Variants in RASEF observed in about 807,000 individuals in gnomAD.
The protein encoded by RASEF is RAS and EF-hand domain containing.
A neutral mutation model predicts 90.1 loss-of-function variants in RASEF; 68 were observed. The ratio of observed to expected loss-of-function variants is 0.75; its 90% confidence interval spans 0.62 to 0.92. The LOEUF is 0.92. Ranked by LOEUF, RASEF falls within the 40% of genes least tolerant of loss-of-function variation. RASEF has a pLI of 0.00. For missense variants in RASEF, 949 were observed against 937.2 expected, an observed-to-expected ratio of 1.01 and a Z score of -0.16; for synonymous variants, 331 against 345.2, an observed-to-expected ratio of 0.96 and a Z score of 0.46.
chr9:83,021,169 G>A (rs897323638), intron 3 of RASEF, among the ~76,000 whole-genome samples: 1 of 152,204 alleles, frequency 6.6e-6, no homozygotes. Flanking sequence ...TGCAGGCACC[G>A]TGCTAGGCAC....
intron 1 of RASEF, among the ~76,000 whole-genome samples, chr9:83,040,690 A>G (rs1293174996): frequency 6.6e-6 from 1 of 152,224 alleles, no homozygotes; most frequent in Non-Finnish European, 1.5e-5. Flanking sequence ...CTGATTATTA[A>G]ATAGTTGGCA....
the RASEF span, among the ~76,000 whole-genome samples, chr9:83,152,735 T>TACACAC: frequency 2.7e-5 from 4 of 150,820 alleles, no homozygotes; most frequent in Admixed American, 1.3e-4. Context: ...CAGACACACA[T>TACACAC]ACACACACAC....
At chr9:83,001,994 G>A (rs1587485507) in intron 9 of RASEF, among the ~76,000 whole-genome samples, 2 of 152,278 alleles carry the variant, frequency 1.3e-5, no homozygotes, top group South Asian at 4.1e-4. Context: ...ATAAGTGAGG[G>A]AGAAATTCAC....
intron 1 of RASEF, among the ~76,000 whole-genome samples, chr9:83,029,596 G>A (rs1456192813): frequency 2.0e-5 from 3 of 150,762 alleles, no homozygotes; most frequent in Non-Finnish European, 4.4e-5. Context: ...AGTAGGGACG[G>A]GGTTTCACCA....
rs573840955 is a variant in RASEF, at chr9:83,060,523, G to A, written c.431+1914C>T. On this transcript the variant is annotated intron_variant, in intron 1 of 16. Coordinates refer to ENST00000376447, the MANE Select transcript of RASEF (RefSeq NM_152573.4). ...GCAACCTAGGACAGTACCTAAGCCAGTATTTGGCATATGGCAGGCAATTGG... is the reference window on the plus strand; with the variant it reads ...GCAACCTAGGACAGTACCTAAGCCAATATTTGGCATATGGCAGGCAATTGG... Among the ~76,000 whole-genome samples, 5 of 152,308 alleles carry A rather than the reference G, an allele frequency of 3.3e-5. No individual in the cohort carries two copies. The East Asian group carries it at 9.7e-4, about 29-fold the overall frequency.
At chr9:83,102,616 G>A in the RASEF span, among the ~76,000 whole-genome samples, 1 of 152,158 alleles carries the variant, frequency 6.6e-6, no homozygotes, top group Non-Finnish European at 1.5e-5. Flanking sequence ...CACGAGTTCA[G>A]GCAGGAGACA....
Position 83,025,771 on chromosome 9 carries a change from A to G in RASEF, c.578+4T>C, listed in dbSNP as rs766085255. The stretch of plus-strand genomic sequence containing the variant: ...GGCCACTTATAAAGGAAGGACTTCA[A>G]TACCTCTTCACCGCAATGGCCAAAT... On this transcript the variant is annotated splice_donor_region_variant and intron_variant, in intron 2 of 16. Transcript: ENST00000376447. The G allele has an allele frequency of 6.2e-7, 1 of 1,613,136 alleles. No homozygotes were observed. Among genetic ancestry groups the G allele is most frequent in the Non-Finnish European group, 8.5e-7 (1 of 1,179,690 alleles).
rs1307730511 is a variant in RASEF at position 83,015,814 on chromosome 9, C to T, written c.756G>A (p.Lys252=). The T allele has an allele frequency of 1.2e-6, 2 of 1,613,136 alleles. No homozygotes were observed. Among genetic ancestry groups the T allele is most frequent in the South Asian group, 2.2e-5 (2 of 91,060 alleles). ...EVGDLQVTIK[K]LRKLEEQSKR... ...GCTGCCACATGCCTACCTTTCTTAG[C>T]TTTTTAATGGTCACCTGCAGATCTC... The change falls in exon 4 of 17, where the codon AAG becomes AAA. Residue 252 remains lysine (K), a synonymous_variant. Transcript: ENST00000376447.
chr9:83,022,571 A>C, intron 2 of RASEF, 145 bp from the exon 3 acceptor site: 1 of 641,804 alleles, frequency 1.6e-6, no homozygotes, highest in East Asian at 2.7e-5. Flanking sequence ...TTCCTTCTAC[A>C]TAATAAAATG....
chr9:82,996,210 T>A (rs1828916009), intron 14 of RASEF, among the ~76,000 whole-genome samples: 1 of 152,232 alleles, frequency 6.6e-6, no homozygotes, highest in Non-Finnish European at 1.5e-5. Flanking sequence ...CAGCCACTAC[T>A]GCAATTTAAT....
the RASEF span, among the ~76,000 whole-genome samples, chr9:83,116,337 T>C: frequency 6.6e-6 from 1 of 152,208 alleles, no homozygotes; most frequent in Admixed American, 6.5e-5. Context: ...ATTTTTTTTC[T>C]ACCAAATAAG....
upstream of RASEF, chr9:83,063,201 G>C (rs1191052721): frequency 2.6e-5 from 8 of 302,056 alleles, no homozygotes; most frequent in Admixed American, 5.3e-5. Context: ...GCTCCGCCCA[G>C]CCAGGGAGGA....
the RASEF span, among the ~76,000 whole-genome samples, chr9:83,169,715 C>G: frequency 1.3e-5 from 2 of 152,004 alleles, no homozygotes. Context: ...AGCATTTTTT[C>G]ATATACCTAA....
chr9:83,080,023 C>T, the RASEF span, among the ~76,000 whole-genome samples: 1 of 152,270 alleles, frequency 6.6e-6, no homozygotes, highest in South Asian at 2.1e-4. Flanking sequence ...TCTCATTAAG[C>T]AATATTTTTA....
At chr9:82,988,603 C>A (rs528306385) in intron 16 of RASEF, among the ~76,000 whole-genome samples, 1 of 152,062 alleles carries the variant, frequency 6.6e-6, no homozygotes, top group African/African-American at 2.4e-5. Context: ...TAGCTCCATC[C>A]CTTGGTGATG....
At chr9:83,075,905 C>G in the RASEF span, among the ~76,000 whole-genome samples, 1 of 151,994 alleles carries the variant, frequency 6.6e-6, no homozygotes, top group Non-Finnish European at 1.5e-5. Flanking sequence ...CACGGTGGCT[C>G]ACACCTGTAA....
At chr9:83,064,339 A>G (rs564188067), upstream of RASEF, among the ~76,000 whole-genome samples, 98 of 152,316 alleles carry the variant, frequency 6.4e-4, no homozygotes, top group African/African-American at 2.3e-3. Context: ...GGTCTTAGCA[A>G]CCTAATTGCT....
rs541088863 is a variant in RASEF, at chr9:82,985,965, C to T, written c.2118-3183G>A. ...CAGAGTCACCATGGCTATGGCGTTT[C>T]CGGTGGGGGTTCACTCTATGCTTAT... On this transcript the variant is annotated intron_variant, in intron 16 of 16. Transcript: ENST00000376447. Among the ~76,000 whole-genome samples the T allele has an allele frequency of 4.6e-5, 7 of 152,156 alleles. No individual in the cohort carries two copies. The South Asian group carries it at 8.3e-4, about 18-fold the overall frequency.
chr9:83,170,339 T>C, the RASEF span, among the ~76,000 whole-genome samples: 1 of 152,006 alleles, frequency 6.6e-6, no homozygotes, highest in African/African-American at 2.4e-5. Context: ...CTTTGTAGTA[T>C]ATTTGAGGCA....
Sources: allele counts gnomAD v4.1 joint callset (sites outside exome capture counted in the v4.1 genomes callset), GRCh38; gene constraint gnomAD v4.1.1; transcripts MANE v1.5; gene names NCBI Gene and HGNC (gene_info 2026-07-23, HGNC 2026-07-21).